The following BTLA variants were observed in gnomAD, a reference collection of about 807,000 sequenced individuals.
The protein encoded by BTLA is B and T lymphocyte associated, also known as B- and T-lymphocyte attenuator.
Under a neutral mutation model 25.0 loss-of-function variants are expected in BTLA, and 11 were observed. That is an observed-to-expected ratio of 0.44 (90% CI 0.28 to 0.73). The LOEUF (loss-of-function observed/expected upper bound fraction) is 0.73, where lower values mean the gene tolerates loss of function less well. Among genes scored for constraint, BTLA ranks in the 30% least tolerant of loss-of-function variants. The pLI is 0.15. For missense variants in BTLA, 282 were observed against 332.8 expected, an observed-to-expected ratio of 0.85 and a Z score of 1.19; for synonymous variants, 104 against 119.8, an observed-to-expected ratio of 0.87 and a Z score of 0.86.
At chr3:112,467,050 C>T (rs1004605109) in intron 4 of BTLA, among the ~76,000 whole-genome samples, 8 of 151,992 alleles carry the variant, frequency 5.3e-5, no homozygotes, top group African/African-American at 1.2e-4. Flanking sequence ...CTCCGCCTCC[C>T]GGCTTCACGC....
chr3:112,495,232 G>T (rs1280841086), intron 1 of BTLA, among the ~76,000 whole-genome samples: 1 of 152,154 alleles, frequency 6.6e-6, no homozygotes, highest in Admixed American at 6.5e-5. Context: ...CTAATCCATG[G>T]AGTCTGGCTT....
intron 1 of BTLA, among the ~76,000 whole-genome samples, chr3:112,488,009 A>G (rs1576689183): frequency 6.6e-6 from 1 of 152,114 alleles, no homozygotes; most frequent in African/African-American, 2.4e-5. Context: ...CTTCCTTGTC[A>G]CCGTCCCATT....
chr3:112,491,465 C>G (rs1005987188), intron 1 of BTLA, among the ~76,000 whole-genome samples: 3 of 151,996 alleles, frequency 2.0e-5, no homozygotes, highest in African/African-American at 4.8e-5. Context: ...ACTATTATGG[C>G]CTTTATTTTT....
intron 2 of BTLA, among the ~76,000 whole-genome samples, chr3:112,477,183 T>G (rs1215412316): frequency 3.3e-5 from 5 of 152,162 alleles, no homozygotes; most frequent in Non-Finnish European, 7.4e-5. Context: ...TAATTTCATT[T>G]GAGTATTTAC....
intron 1 of BTLA, among the ~76,000 whole-genome samples, chr3:112,488,228 C>CTTTTTTTTTTTTT (rs546779181): frequency 8.0e-6 from 1 of 124,848 alleles, no homozygotes; most frequent in Admixed American, 9.1e-5. Context: ...TTTCTTTTTT[C>CTTTTTTTTTTTTT]TTTTTTTTTT....
At chr3:112,466,415 C>T (rs2082227658) in intron 4 of BTLA, 32 bp from the exon 5 acceptor site, 7 of 1,523,890 alleles carry the variant, frequency 4.6e-6, no homozygotes, top group African/African-American at 1.4e-5. Context: ...TTTTAAGTGA[C>T]ACTTACGGCC....
chr3:112,482,531 C>T (rs1328736642), intron 1 of BTLA, among the ~76,000 whole-genome samples: 1 of 152,174 alleles, frequency 6.6e-6, no homozygotes, highest in East Asian at 1.9e-4. Flanking sequence ...CCTAATACAC[C>T]TTTCACTCAC....
chr3:112,487,132 G>A (rs2082352299), intron 1 of BTLA, among the ~76,000 whole-genome samples: 1 of 152,188 alleles, frequency 6.6e-6, no homozygotes, highest in Non-Finnish European at 1.5e-5. Flanking sequence ...TGCAATGTTT[G>A]TCAAATGATA....
At chr3:112,466,651 T>C (rs1033738737) in intron 4 of BTLA, among the ~76,000 whole-genome samples, 18 of 151,940 alleles carry the variant, frequency 1.2e-4, no homozygotes, top group African/African-American at 4.4e-4. Context: ...CATTTTTTAA[T>C]CCCCCTTCAA....
chr3:112,476,556 C>T (rs1380063755), intron 2 of BTLA, among the ~76,000 whole-genome samples: 1 of 152,160 alleles, frequency 6.6e-6, no homozygotes, highest in Admixed American at 6.5e-5. Flanking sequence ...TGCAATAACC[C>T]TCTTTTGAAA....
chr3:112,471,818 C>A (rs2082263921), intron 2 of BTLA, among the ~76,000 whole-genome samples: 1 of 152,160 alleles, frequency 6.6e-6, no homozygotes, highest in South Asian at 2.1e-4. Flanking sequence ...ATGTCCTTTC[C>A]TTGTCTCGTA....
At chr3:112,478,464 G>T (rs1381065880) in intron 2 of BTLA, among the ~76,000 whole-genome samples, 5 of 151,974 alleles carry the variant, frequency 3.3e-5, no homozygotes, top group African/African-American at 9.7e-5. Flanking sequence ...ACTGATTTTT[G>T]TGTGTTGATC....
chr3:112,464,183 T>G lies in BTLA; in HGVS notation c.*1925A>C. On this transcript the variant is annotated 3_prime_UTR_variant, in exon 5 of 5. Coordinates refer to ENST00000334529, the MANE Select transcript of BTLA (RefSeq NM_181780.4). Reference sequence around the variant, plus strand: ...TGAAAAGGAATAAAAACATAAATGATTTGTGATTTTGGCAAACAGTACAAA... The same window carrying G: ...TGAAAAGGAATAAAAACATAAATGAGTTGTGATTTTGGCAAACAGTACAAA... 1 of 397,970 alleles carries G rather than the reference T, an allele frequency of 2.5e-6. No individual in the cohort carries two copies. Among genetic ancestry groups the G allele is most frequent in the Non-Finnish European group, 4.4e-6 (1 of 225,702 alleles). The allele number at this position is 397,970 out of a possible 1,614,324, so 24.7% of individuals were successfully genotyped here.
At chr3:112,490,597 C>T (rs536190061) in intron 1 of BTLA, among the ~76,000 whole-genome samples, 1 of 110,456 alleles carries the variant, frequency 9.1e-6, no homozygotes, top group Non-Finnish European at 1.8e-5. Context: ...CATTTTCTCC[C>T]TGGGTAAACA....
intron 4 of BTLA, among the ~76,000 whole-genome samples, chr3:112,468,328 C>T (rs2082241275): frequency 6.6e-6 from 1 of 152,118 alleles, no homozygotes; most frequent in South Asian, 2.1e-4. Context: ...AGTTCCTTTC[C>T]TGTCATGTTT....
chr3:112,467,218 C>T (rs1408702809), intron 4 of BTLA, among the ~76,000 whole-genome samples: 1 of 152,100 alleles, frequency 6.6e-6, no homozygotes, highest in Non-Finnish European at 1.5e-5. Context: ...CCTCGGCCTC[C>T]CAAAGTGCGA....
intron 1 of BTLA, among the ~76,000 whole-genome samples, chr3:112,486,402 T>A (rs1444845692): frequency 6.6e-6 from 1 of 152,050 alleles, no homozygotes; most frequent in Admixed American, 6.5e-5. Flanking sequence ...AAAAGAAATA[T>A]AGACAATGAA....
rs1219258448 is a variant in BTLA at position 112,469,746 on chromosome 3, C to T, written c.594+12G>A. The T allele has an allele frequency of 5.6e-6, 9 of 1,595,118 alleles. No individual in the cohort carries two copies. The highest frequency in any genetic ancestry group is 1.7e-5 in the Admixed American group (1 of 58,382). On this transcript the variant is annotated intron_variant, in intron 4 of 4. Coordinates refer to ENST00000334529, the MANE Select transcript of BTLA (RefSeq NM_181780.4). ...CAAATTGCATTTGTTTCAACAGCTA[C>T]ATCAAGCTTACCAGGTTAATTTCCC... is the stretch of plus-strand genomic sequence containing the variant.
intron 4 of BTLA, 123 bp downstream of exon 4, chr3:112,469,635 A>AC (rs1459573409): frequency 9.2e-4 from 46 of 50,144 alleles, no homozygotes; most frequent in Middle Eastern, 6.6e-3. Flanking sequence ...ATATATATAT[A>AC]TATATATATA....
Sources: gnomAD v4.1 joint callset for allele counts (sites outside exome capture counted in the v4.1 genomes callset) on GRCh38, gnomAD v4.1.1 for gene constraint, MANE v1.5 for transcripts, NCBI Gene and HGNC (gene_info 2026-07-23, HGNC 2026-07-21) for gene names.